PTPRT: variants seen among roughly 807,000 people sequenced by gnomAD.
The protein encoded by PTPRT is protein tyrosine phosphatase receptor type T, also known as receptor-type tyrosine-protein phosphatase T.
Under a neutral mutation model 176.8 loss-of-function variants are expected in PTPRT, and 56 were observed. The observed-to-expected ratio is 0.32, with a 90% CI of 0.26 to 0.40. The LOEUF (loss-of-function observed/expected upper bound fraction) is 0.40. Ranked by LOEUF, PTPRT falls within the 10% of genes least tolerant of loss-of-function variation. The pLI is 1.00. For synonymous variants in PTPRT, 783 were observed against 739.0 expected (o/e 1.06, Z -0.96); for missense variants, 1,540 against 1,908.2 (o/e 0.81, Z 3.60).
intron 11 of PTPRT, among the ~76,000 whole-genome samples, chr20:42,344,540 G>C (rs1299816667): frequency 6.6e-6 from 1 of 152,176 alleles, no homozygotes; most frequent in Non-Finnish European, 1.5e-5. Flanking sequence ...ACTGACAGAG[G>C]GATGACCATG....
chr20:42,274,328 A>G (rs2056988900), intron 13 of PTPRT, among the ~76,000 whole-genome samples: 1 of 152,148 alleles, frequency 6.6e-6, no homozygotes, highest in African/African-American at 2.4e-5. Flanking sequence ...TATATTCTAG[A>G]TGGCACAGCA....
intron 16 of PTPRT, among the ~76,000 whole-genome samples, chr20:42,166,925 A>G (rs560048069): frequency 7.5e-6 from 1 of 134,152 alleles, no homozygotes; most frequent in South Asian, 2.1e-4. Flanking sequence ...CCATCTTAGA[A>G]AAAAAAAAAA....
At chr20:42,783,641 C>T (rs1231538351) in intron 3 of PTPRT, among the ~76,000 whole-genome samples, 1 of 152,128 alleles carries the variant, frequency 6.6e-6, no homozygotes, top group African/African-American at 2.4e-5. Flanking sequence ...ACAGACACCA[C>T]AAGGGGACAA....
At chr20:43,116,972 G>A (rs994085428) in intron 1 of PTPRT, among the ~76,000 whole-genome samples, 2 of 152,070 alleles carry the variant, frequency 1.3e-5, no homozygotes, top group East Asian at 1.9e-4. Context: ...AGCTGACCAG[G>A]GTGTGGCTTA....
intron 13 of PTPRT, among the ~76,000 whole-genome samples, chr20:42,254,581 C>T (rs1485788246): frequency 1.3e-5 from 2 of 152,060 alleles, no homozygotes; most frequent in South Asian, 2.1e-4. Context: ...TAGATTTGGT[C>T]CCTTTAATTT....
At chr20:42,209,251 G>T (rs1439925262) in intron 15 of PTPRT, among the ~76,000 whole-genome samples, 1 of 151,976 alleles carries the variant, frequency 6.6e-6, no homozygotes, top group African/African-American at 2.4e-5. Context: ...AAAAGCAAGA[G>T]CAAACACATT....
intron 24 of PTPRT, among the ~76,000 whole-genome samples, chr20:42,105,725 A>T (rs1220826735): frequency 6.6e-6 from 1 of 152,224 alleles, no homozygotes; most frequent in Non-Finnish European, 1.5e-5. Flanking sequence ...CTTTAGTGCT[A>T]GAAGCCTGAA....
At chr20:42,758,135 C>T (rs545914174) in intron 5 of PTPRT, among the ~76,000 whole-genome samples, 6 of 152,236 alleles carry the variant, frequency 3.9e-5, no homozygotes, top group African/African-American at 7.2e-5. Flanking sequence ...AATTTGAAAA[C>T]GTTTTTCCCC....
intron 7 of PTPRT, among the ~76,000 whole-genome samples, chr20:42,648,500 T>G (rs1222652992): frequency 1.3e-5 from 2 of 152,042 alleles, no homozygotes; most frequent in African/African-American, 4.8e-5. Flanking sequence ...GCAGGTTCTA[T>G]CATTAAGTGA....
At chr20:42,356,574 T>C (rs2058361068) in intron 9 of PTPRT, among the ~76,000 whole-genome samples, 1 of 152,000 alleles carries the variant, frequency 6.6e-6, no homozygotes, top group South Asian at 2.1e-4. Flanking sequence ...TGCATGCCTG[T>C]AACCCCAGCT....
chr20:42,667,973 A>G (rs1357023321), intron 7 of PTPRT, among the ~76,000 whole-genome samples: 1 of 152,158 alleles, frequency 6.6e-6, no homozygotes, highest in African/African-American at 2.4e-5. Context: ...AATGGTGGCA[A>G]TCTCCTATTG....
At chr20:42,601,914 G>A (rs1025235613) in intron 7 of PTPRT, among the ~76,000 whole-genome samples, 2 of 152,108 alleles carry the variant, frequency 1.3e-5, no homozygotes, top group Non-Finnish European at 2.9e-5. Flanking sequence ...GGTCTGTGCC[G>A]GGCAGGATGC....
chr20:42,802,010 T>C (rs527612474), intron 2 of PTPRT, among the ~76,000 whole-genome samples: 22 of 152,320 alleles, frequency 1.4e-4, no homozygotes, highest in East Asian at 1.2e-3. Context: ...AGCATTCAAA[T>C]TGAGGTGTAT....
chr20:42,761,444 A>T (rs920725973), intron 5 of PTPRT, among the ~76,000 whole-genome samples: 4 of 152,168 alleles, frequency 2.6e-5, no homozygotes, highest in Admixed American at 6.5e-5. Context: ...CAAAAAAAAA[A>T]AAATAAAACA....
chr20:42,822,645 C>A (rs932842878), intron 2 of PTPRT, among the ~76,000 whole-genome samples: 1 of 152,114 alleles, frequency 6.6e-6, no homozygotes, highest in Admixed American at 6.5e-5. Flanking sequence ...TTTTTGCAAT[C>A]TACCCATCTG....
chr20:42,336,183 TG>T (rs1227704582), intron 11 of PTPRT, among the ~76,000 whole-genome samples: 1 of 152,214 alleles, frequency 6.6e-6, no homozygotes, highest in Non-Finnish European at 1.5e-5. Context: ...CCTGTTTTTA[TG>T]GAATTGTAAA....
At chr20:42,816,350 G>A (rs1353716576) in intron 2 of PTPRT, among the ~76,000 whole-genome samples, 1 of 152,182 alleles carries the variant, frequency 6.6e-6, no homozygotes, top group Non-Finnish European at 1.5e-5. Context: ...TATAATCCTA[G>A]CACACGGTTT....
intron 6 of PTPRT, among the ~76,000 whole-genome samples, chr20:42,720,656 A>G (rs2076289492): frequency 6.6e-6 from 1 of 152,168 alleles, no homozygotes; most frequent in Non-Finnish European, 1.5e-5. Flanking sequence ...TTCTTGAATA[A>G]GTACAATTCA....
At chr20:43,182,129 T>A (rs748413707) in intron 1 of PTPRT, among the ~76,000 whole-genome samples, 11 of 152,172 alleles carry the variant, frequency 7.2e-5, no homozygotes, top group Non-Finnish European at 1.5e-4. Flanking sequence ...CCCTAAGGGA[T>A]GACTACATAA....
Sources: gnomAD v4.1 joint callset for allele counts (sites outside exome capture counted in the v4.1 genomes callset) on GRCh38, gnomAD v4.1.1 for gene constraint, MANE v1.5 for transcripts, NCBI Gene and HGNC (gene_info 2026-07-23, HGNC 2026-07-21) for gene names.